Variants in HERC2 observed in about 807,000 individuals in gnomAD.
The protein encoded by HERC2 is HECT and RLD domain containing E3 ubiquitin protein ligase 2.
HERC2 carries 102 observed loss-of-function variants against 537.7 expected under a neutral mutation model. The observed-to-expected ratio is 0.19, with a 90% confidence interval of 0.16 to 0.22. The LOEUF (loss-of-function observed/expected upper bound fraction) is 0.22, where lower values mean the gene tolerates loss of function less well. HERC2 is among the 10% of genes least tolerant of loss of function. The probability of loss-of-function intolerance (pLI) is 1.00; values close to 1 mark genes in which losing one functional copy is unlikely to be tolerated. For synonymous variants in HERC2, 2,224 were observed against 2,466.2 expected (o/e 0.90, Z 2.91); for missense variants, 4,236 against 6,198.2 (o/e 0.68, Z 10.63).
At chr15:28,227,077 C>A (rs1009334272) in intron 35 of HERC2, among the ~76,000 whole-genome samples, 14 of 152,150 alleles carry the variant, frequency 9.2e-5, no homozygotes, top group Admixed American at 7.9e-4. Flanking sequence ...GAGTTCCAGA[C>A]CAGCCTGGCC....
intron 7 of HERC2, among the ~76,000 whole-genome samples, chr15:28,273,426 A>G (rs563233035): frequency 1.2e-4 from 18 of 152,368 alleles, no homozygotes; most frequent in Admixed American, 3.3e-4. Context: ...AAATGTCAAC[A>G]CTAATTTCTA....
chr15:28,303,276 G>A (rs868341300), intron 2 of HERC2, among the ~76,000 whole-genome samples: 2 of 152,170 alleles, frequency 1.3e-5, no homozygotes, highest in East Asian at 1.9e-4. Flanking sequence ...TTTCCCTCAC[G>A]TATCCTCCGG....
At position 28,284,839 on chromosome 15, in the gene HERC2, C is replaced by T. The variant is rs559430572; in HGVS notation, c.323-4552G>A. On this transcript the variant is annotated intron_variant, in intron 4 of 92. Transcript: ENST00000261609. ...CTGAGGCAGGAGAATCACTTGAACCCGGTGGGGTTGGAGGTTGCAGTGAGC... is the reference window on the plus strand; with the variant it reads ...CTGAGGCAGGAGAATCACTTGAACCTGGTGGGGTTGGAGGTTGCAGTGAGC... 3.9e-4 allele frequency among the ~76,000 whole-genome samples: 53 copies of T among 136,646 alleles called. 1 individual carries two copies. The highest frequency in any genetic ancestry group is 2.8e-3 in the South Asian group (12 of 4,276). The allele number at this position is 136,646 out of a possible 152,430, so 89.6% of individuals were successfully genotyped here. A position where few individuals can be genotyped will look rare whatever the true frequency, so the allele number is the denominator to read the frequency against.
intron 65 of HERC2, among the ~76,000 whole-genome samples, chr15:28,173,164 G>A (rs571909058): frequency 3.9e-5 from 6 of 152,272 alleles, no homozygotes; most frequent in Admixed American, 2.0e-4. Flanking sequence ...AGTATGTAGC[G>A]ATCTTAAGAA....
At position 28,167,917 on chromosome 15, in the gene HERC2, A is replaced by G. The variant is rs1003725254; in HGVS notation, c.10414-90T>C. ...TATGCAAGTCCCAAATGCTTTACCT[A>G]AAACTACTTGGGCTGTTTAGAATGT... On this transcript the variant is annotated intron_variant, in intron 67 of 92. Transcript: ENST00000261609. 70 of 1,375,166 alleles carry G rather than the reference A, an allele frequency of 5.1e-5. 1 individual carries two copies. Among genetic ancestry groups the G allele is most frequent in the African/African-American group, 1.3e-4 (9 of 68,866 alleles). 85.2% of individuals were successfully genotyped at this position (1,375,166 alleles called of 1,614,324 possible). A position where few individuals can be genotyped will look rare whatever the true frequency, so the allele number is the denominator to read the frequency against.
intron 85 of HERC2, among the ~76,000 whole-genome samples, chr15:28,121,859 C>T (rs73379637): frequency 0.073 from 10,985 of 151,252 alleles, 1,351 homozygotes; most frequent in African/African-American, 0.26. Context: ...AGCCACGGGC[C>T]AGGGAGCACC....
intron 83 of HERC2, among the ~76,000 whole-genome samples, chr15:28,129,602 G>A: frequency 6.6e-6 from 1 of 152,220 alleles, no homozygotes; most frequent in East Asian, 1.9e-4. Context: ...GGCCAAGCCT[G>A]CAGCAGGTCT....
At chr15:28,307,703 G>A (rs911379624) in intron 2 of HERC2, among the ~76,000 whole-genome samples, 3 of 152,206 alleles carry the variant, frequency 2.0e-5, no homozygotes, top group Non-Finnish European at 2.9e-5. Context: ...GATCAGAGAA[G>A]ATACTTAACA....
intron 2 of HERC2, among the ~76,000 whole-genome samples, chr15:28,317,421 C>A (rs1483639099): frequency 1.3e-5 from 2 of 152,196 alleles, no homozygotes; most frequent in African/African-American, 4.8e-5. Flanking sequence ...ATAAGCTTAA[C>A]TCTAAGAGCT....
intron 20 of HERC2, among the ~76,000 whole-genome samples, chr15:28,249,765 G>A: frequency 6.6e-6 from 1 of 151,568 alleles, no homozygotes; most frequent in African/African-American, 2.4e-5. Context: ...TCCTGCCTCA[G>A]CCTCCCGAGT....
Position 28,125,044 on chromosome 15 carries a change from T to C in HERC2, c.12952A>G (p.Thr4318Ala). ...CGSAHTLAWS[T>A]SKPASAGKLP... The stretch of plus-strand genomic sequence containing the variant: ...TTGCCAGCACTGGCGGGCTTGCTGG[T>C]CGACCAGGCGAGGGTATGTGCTGAG... Residue 4318 changes from threonine (T) to alanine (A), a missense_variant, in exon 84 of 93, where the codon ACC (threonine) becomes GCC (alanine). Physicochemically the swap from Thr to Ala is moderately conservative, Grantham distance 58. Around this residue, in one of 27 missense-constraint regions of HERC2, gnomAD observed 189 missense variants for 255.7 expected, o/e 0.74. Transcript: ENST00000261609. The C allele has an allele frequency of 1.2e-6, 2 of 1,606,276 alleles. No homozygotes were observed. The highest frequency in any genetic ancestry group is 1.1e-5 in the South Asian group (1 of 90,946).
rs553164838 is a variant in HERC2, at chr15:28,210,175, C to T, written c.7069+827G>A. On this transcript the variant is annotated intron_variant, in intron 44 of 92. Coordinates refer to ENST00000261609, the MANE Select transcript of HERC2 (RefSeq NM_004667.6). ...TTGAGACAGAGTCTTGCTCTGTCGT[C>T]CAGGCTGGAGTGCAGTGGCGCCATC... Among the ~76,000 whole-genome samples the T allele has an allele frequency of 1.1e-4, 17 of 152,066 alleles. 1 individual carries two copies. In the South Asian group the frequency reaches 3.5e-3, roughly 32 times the overall value.
In HERC2 at chr15:28,214,111, T is replaced by C. The variant is rs1394274042; in HGVS notation, c.6520A>G (p.Ile2174Val). 3.7e-6 allele frequency: 6 copies of C among 1,614,228 alleles called. No homozygotes were observed. The highest frequency in any genetic ancestry group is 2.5e-6 in the Non-Finnish European group (3 of 1,180,032). The stretch of plus-strand genomic sequence containing the variant: ...GGCCTTCCCACAAAGCTGTGGGTGA[T>C]GGAGCGGAGCTGGGAGTTGATGTAC... ...NKYINSQLRS[I>V]THSFVGRPSE... Residue 2174 changes from isoleucine (I) to valine (V), a missense_variant, in exon 41 of 93, where the codon ATC becomes GTC. By Grantham distance (29) the Ile-to-Val change is conservative. Coordinates refer to ENST00000261609, the MANE Select transcript of HERC2 (RefSeq NM_004667.6).
intron 23 of HERC2, among the ~76,000 whole-genome samples, chr15:28,243,065 A>G (rs1451487502): frequency 3.3e-5 from 5 of 152,212 alleles, no homozygotes; most frequent in Non-Finnish European, 7.3e-5. Context: ...GCAATAAGTC[A>G]CTAGGGGAAA....
chr15:28,316,059 T>C (rs199674395), intron 2 of HERC2: 1 of 267,868 alleles, frequency 3.7e-6, no homozygotes, highest in African/African-American at 2.3e-5. Context: ...TTCCGCTGTT[T>C]AAAAAAAAAA....
chr15:28,182,472 T>A lies in HERC2; in HGVS notation c.8866A>T (p.Thr2956Ser). ...KKAAGLESAA[T>S]IRTKVFVWGL... is the part of the protein sequence containing the mutation. ...CACACAAACACCTTGGTTCTTATCG[T>A]AGCTGCTGATTCCAGCCCAGCAGCC... Residue 2956 changes from threonine to serine, a missense_variant, in exon 57 of 93, where the codon ACG (threonine) becomes TCG (serine). Physicochemically the swap from Thr to Ser is moderately conservative, Grantham distance 58 (BLOSUM62 1). Coordinates refer to ENST00000261609, the MANE Select transcript of HERC2 (RefSeq NM_004667.6). 1 of 1,613,684 alleles carries A rather than the reference T, an allele frequency of 6.2e-7. No homozygotes were observed. The highest frequency in any genetic ancestry group is 8.5e-7 in the Non-Finnish European group (1 of 1,179,980).
chr15:28,257,335 G>A (rs1317165736), intron 16 of HERC2, 74 bp from the exon 17 acceptor site: 26 of 1,261,224 alleles, frequency 2.1e-5, no homozygotes, highest in Middle Eastern at 1.9e-4. Context: ...AGTCACCAGC[G>A]TGTGTGATGG....
intron 70 of HERC2, among the ~76,000 whole-genome samples, chr15:28,148,593 G>A (rs553841627): frequency 8.6e-5 from 13 of 151,654 alleles, no homozygotes; most frequent in African/African-American, 1.7e-4. Flanking sequence ...CCGCATGAAC[G>A]TACATTCTGG....
chr15:28,199,475 C>G (rs1055991913), intron 48 of HERC2, among the ~76,000 whole-genome samples: 1 of 152,208 alleles, frequency 6.6e-6, no homozygotes, highest in Non-Finnish European at 1.5e-5. Context: ...ATTCTGAAAA[C>G]TGATAAAGTC....
Sources: gnomAD v4.1 joint callset for allele counts (sites outside exome capture counted in the v4.1 genomes callset) on GRCh38, gnomAD v4.1.1 for gene constraint, gnomAD v4.1.1 regional missense constraint, MANE v1.5 for transcripts, NCBI Gene and HGNC (gene_info 2026-07-23, HGNC 2026-07-21) for gene names.